Variants in DDX10 observed in about 807,000 individuals in gnomAD.
DDX10 encodes DEAD-box helicase 10, also known as probable ATP-dependent RNA helicase DDX10.
A neutral mutation model predicts 104.3 loss-of-function variants in DDX10; 74 were observed. The observed-to-expected ratio is 0.71, with a 90% CI of 0.59 to 0.86. DDX10 has a LOEUF of 0.86. DDX10 is among the 40% of genes least tolerant of loss of function. The pLI is 0.00. For synonymous variants in DDX10, 351 were observed against 353.4 expected, an observed-to-expected ratio of 0.99 and a Z score of 0.08; for missense variants, 952 against 1,040.0, an observed-to-expected ratio of 0.92 and a Z score of 1.16.
chr11:108,718,180 T>G (rs1680535), intron 11 of DDX10, among the ~76,000 whole-genome samples: 1 of 151,396 alleles, frequency 6.6e-6, no homozygotes, highest in Non-Finnish European at 1.5e-5. Context: ...AAAAAAAAAT[T>G]GTCTAGAGTA....
intron 13 of DDX10, among the ~76,000 whole-genome samples, chr11:108,829,254 C>G (rs1862438112): frequency 6.6e-6 from 1 of 152,098 alleles, no homozygotes. Flanking sequence ...GCATCCATGC[C>G]AACATCTATT....
At chr11:108,796,796 TG>T (rs1297798301) in intron 13 of DDX10, among the ~76,000 whole-genome samples, 1 of 152,120 alleles carries the variant, frequency 6.6e-6, no homozygotes, top group Non-Finnish European at 1.5e-5. Flanking sequence ...GTTTCAGCGA[TG>T]GGGGCACTGC....
intron 10 of DDX10, among the ~76,000 whole-genome samples, chr11:108,708,491 G>C (rs2094279716): frequency 6.6e-6 from 1 of 151,266 alleles, no homozygotes; most frequent in South Asian, 2.1e-4. Context: ...TTTCATTTTT[G>C]GGAGTGCTAA....
At chr11:108,896,475 C>G (rs1863443021) in intron 16 of DDX10, among the ~76,000 whole-genome samples, 1 of 151,972 alleles carries the variant, frequency 6.6e-6, no homozygotes. Context: ...AATGCATATA[C>G]TGGTATCTGT....
At chr11:108,878,521 C>G (rs1472343780) in intron 16 of DDX10, among the ~76,000 whole-genome samples, 1 of 152,012 alleles carries the variant, frequency 6.6e-6, no homozygotes, top group Non-Finnish European at 1.5e-5. Context: ...ATTTAATTTT[C>G]CTTTTGAAAT....
chr11:108,901,292 G>A (rs925217216), intron 16 of DDX10, among the ~76,000 whole-genome samples: 4 of 152,162 alleles, frequency 2.6e-5, no homozygotes, highest in Admixed American at 6.5e-5. Flanking sequence ...GTAAATACTT[G>A]TTGCGTGAAT....
intron 13 of DDX10, among the ~76,000 whole-genome samples, chr11:108,788,987 G>C (rs1358228816): frequency 1.3e-5 from 2 of 152,256 alleles, no homozygotes; most frequent in Non-Finnish European, 2.9e-5. Context: ...TCAGGCAGGG[G>C]CAGATAGGCC....
intron 15 of DDX10, among the ~76,000 whole-genome samples, chr11:108,851,201 A>G (rs1224983691): frequency 6.6e-6 from 1 of 152,158 alleles, no homozygotes; most frequent in Admixed American, 6.6e-5. Flanking sequence ...TTTAGTGTCT[A>G]ACACAGGAAA....
At position 108,841,385 on chromosome 11, in the gene DDX10, G is replaced by T. The variant is rs762294935; in HGVS notation, c.2156G>T (p.Gly719Val). Residue 719 changes from glycine (G) to valine (V), a missense_variant, in exon 15 of 18, where the codon GGT becomes GTT. By Grantham distance (109) the Gly-to-Val change is moderately radical. Around this residue, in one of 3 missense-constraint regions of DDX10, gnomAD observed 533 missense variants for 534.1 expected, o/e 1.00. Coordinates refer to ENST00000322536, the MANE Select transcript of DDX10 (RefSeq NM_004398.4). ...GCTGAGGAAGATGATGACACAGGTG[G>T]TATCAACTTACATAAAGCAAAGGAA... ...KDAEEDDDTGGINLHKAKERL... is the reference protein window; with the variant it reads ...KDAEEDDDTGVINLHKAKERL... 1.2e-6 allele frequency: 2 copies of T among 1,613,484 alleles called. No homozygotes were observed. Among genetic ancestry groups the T allele is most frequent in the Non-Finnish European group, 8.5e-7 (1 of 1,179,698 alleles).
At chr11:108,669,524 G>A (rs2094214346) in intron 1 of DDX10, among the ~76,000 whole-genome samples, 1 of 152,196 alleles carries the variant, frequency 6.6e-6, no homozygotes, top group African/African-American at 2.4e-5. Flanking sequence ...AATGCTCCTT[G>A]GAGTGTTGGA....
At chr11:108,744,831 C>T (rs1206234491) in intron 13 of DDX10, among the ~76,000 whole-genome samples, 1 of 152,064 alleles carries the variant, frequency 6.6e-6, no homozygotes, top group Admixed American at 6.5e-5. Context: ...GAACTTTGAA[C>T]TTTGGGGCTA....
At chr11:108,773,199 T>C (rs2094365591) in intron 13 of DDX10, among the ~76,000 whole-genome samples, 1 of 152,252 alleles carries the variant, frequency 6.6e-6, no homozygotes, top group Admixed American at 6.5e-5. Context: ...GAACTTACGA[T>C]ACTGGCATAA....
At chr11:108,827,025 T>C (rs190611843) in intron 13 of DDX10, among the ~76,000 whole-genome samples, 64 of 152,358 alleles carry the variant, frequency 4.2e-4, no homozygotes, top group African/African-American at 1.5e-3. Flanking sequence ...TTGTAGAATA[T>C]GAACAGGGTC....
At chr11:108,831,359 G>A (rs1218687827) in intron 13 of DDX10, among the ~76,000 whole-genome samples, 1 of 144,172 alleles carries the variant, frequency 6.9e-6, no homozygotes, top group South Asian at 2.2e-4. Flanking sequence ...AGCTGAGATC[G>A]AGCCACTGCA....
intron 16 of DDX10, among the ~76,000 whole-genome samples, chr11:108,877,327 G>A (rs145894849): frequency 1.4e-4 from 22 of 152,162 alleles, no homozygotes; most frequent in African/African-American, 5.3e-4. Context: ...ACATTATTCT[G>A]GGAAAGTAAA....
intron 16 of DDX10, among the ~76,000 whole-genome samples, chr11:108,904,382 C>T (rs1459053159): frequency 6.6e-6 from 1 of 152,106 alleles, no homozygotes; most frequent in Non-Finnish European, 1.5e-5. Context: ...AATGTTTTCC[C>T]CACTATTTAG....
chr11:108,906,551 A>G (rs1863599729), intron 16 of DDX10, among the ~76,000 whole-genome samples: 1 of 152,234 alleles, frequency 6.6e-6, no homozygotes, highest in Non-Finnish European at 1.5e-5. Context: ...TCATGGCCTA[A>G]GGACACACAA....
At chr11:108,876,351 C>G (rs1863153838) in intron 16 of DDX10, among the ~76,000 whole-genome samples, 1 of 152,106 alleles carries the variant, frequency 6.6e-6, no homozygotes, top group Admixed American at 6.5e-5. Flanking sequence ...AGTGACTCGT[C>G]TAAAGTTGTA....
At chr11:108,875,025 C>T (rs189988424) in intron 16 of DDX10, among the ~76,000 whole-genome samples, 1 of 152,006 alleles carries the variant, frequency 6.6e-6, no homozygotes, top group Non-Finnish European at 1.5e-5. Flanking sequence ...AATGAAGTAA[C>T]GCATGTAAAG....
Sources: gnomAD v4.1 joint callset for allele counts (sites outside exome capture counted in the v4.1 genomes callset) on GRCh38, gnomAD v4.1.1 for gene constraint, gnomAD v4.1.1 regional missense constraint, MANE v1.5 for transcripts, NCBI Gene and HGNC (gene_info 2026-07-23, HGNC 2026-07-21) for gene names.